Variants in LYZL1 observed in about 807,000 individuals in gnomAD.
LYZL1 encodes lysozyme like 1.
In LYZL1, 16 loss-of-function variants were observed where a neutral mutation model predicts 17.9. The ratio of observed to expected loss-of-function variants is 0.90; its 90% CI spans 0.61 to 1.36. LYZL1 has a LOEUF of 1.36. Ranked by LOEUF, LYZL1 falls within the 40% of genes most tolerant of loss-of-function variation. The probability of loss-of-function intolerance (pLI) is 0.00; values close to 1 mark genes in which losing one functional copy is unlikely to be tolerated. For synonymous variants in LYZL1, 58 were observed against 71.8 expected (o/e 0.81, Z 0.97); for missense variants, 149 against 188.4 (o/e 0.79, Z 1.22).
intron 3 of LYZL1, among the ~76,000 whole-genome samples, chr10:29,302,512 G>A (rs1835534120): frequency 1.3e-5 from 2 of 152,298 alleles, no homozygotes; most frequent in African/African-American, 2.4e-5. Context: ...GGTCCTCTTC[G>A]TGCATTTGCG....
intron 3 of LYZL1, among the ~76,000 whole-genome samples, chr10:29,293,799 C>T (rs940803072): frequency 1.3e-5 from 2 of 151,700 alleles, no homozygotes; most frequent in African/African-American, 4.8e-5. Context: ...ACGGTGAAAC[C>T]CCATCTCTAC....
chr10:29,314,834 A>G (rs1311862625), downstream of LYZL1, among the ~76,000 whole-genome samples: 1 of 152,196 alleles, frequency 6.6e-6, no homozygotes, highest in Non-Finnish European at 1.5e-5. Flanking sequence ...AGGGGTAACT[A>G]TCGCCCAGGG....
At chr10:29,301,168 C>T (rs1835513934) in intron 3 of LYZL1, among the ~76,000 whole-genome samples, 1 of 152,146 alleles carries the variant, frequency 6.6e-6, no homozygotes, top group African/African-American at 2.4e-5. Context: ...ATGAGTCTCA[C>T]AAGATCTGAT....
chr10:29,297,515 T>A (rs1346592175), intron 3 of LYZL1, among the ~76,000 whole-genome samples: 1 of 152,210 alleles, frequency 6.6e-6, no homozygotes, highest in African/African-American at 2.4e-5. Flanking sequence ...ATTCATAACT[T>A]TTAAATTGCA....
In LYZL1 at chr10:29,293,127, C is replaced by CTTTTTTT. The variant is rs778807136; in HGVS notation, c.298+456_298+457insTTTTTTT. Among the ~76,000 whole-genome samples the CTTTTTTT allele has an allele frequency of 3.2e-3, 338 of 104,146 alleles. 13 individuals carry two copies. The highest frequency in any genetic ancestry group is 6.0e-3 in the Middle Eastern group (1 of 166). 68.3% of individuals were successfully genotyped at this position (104,146 alleles called of 152,430 possible). A position where few individuals can be genotyped will look rare whatever the true frequency, so the allele number is the denominator to read the frequency against. ...TCTTTCTTTTTTTTTCTTTTCTTTT[C>CTTTTTTT]TTTTTTCTTTTTTTTTTTTTTTTGA... On this transcript the variant is annotated intron_variant, in intron 3 of 4. Coordinates refer to ENST00000649382, the MANE Select transcript of LYZL1 (RefSeq NM_032517.6).
chr10:29,297,139 C>T (rs142830088), intron 3 of LYZL1, among the ~76,000 whole-genome samples: 338 of 146,038 alleles, frequency 2.3e-3, no homozygotes, highest in African/African-American at 8.2e-3. Flanking sequence ...AATAAAGAAC[C>T]TTTGGAAATT....
intron 1 of LYZL1, among the ~76,000 whole-genome samples, chr10:29,289,435 T>A (rs1588654482): frequency 7.3e-6 from 1 of 136,632 alleles, no homozygotes; most frequent in Non-Finnish European, 1.6e-5. Flanking sequence ...TTTTTTTTTT[T>A]AGACAGGGTC....
chr10:29,302,742 T>C (rs1165483220), intron 3 of LYZL1, among the ~76,000 whole-genome samples: 2 of 152,212 alleles, frequency 1.3e-5, no homozygotes, highest in African/African-American at 2.4e-5. Flanking sequence ...TCGTGTTGAC[T>C]GGCCAGTCAC....
In LYZL1 at chr10:29,291,787, G is replaced by C. The variant is rs1344975231; in HGVS notation, c.-25-56G>C. ...AGGGCTGTGCACAGTCACCACCGCT[G>C]GATTTCAAAGTTCCTGAACCAAGAT... On this transcript the variant is annotated intron_variant, in intron 1 of 4. Transcript: ENST00000649382. 39 of 1,522,400 alleles carry C rather than the reference G, an allele frequency of 2.6e-5. 4 individuals are homozygous for C. Among genetic ancestry groups the C allele is most frequent in the Non-Finnish European group, 1.8e-6 (2 of 1,116,064 alleles). 94.3% of individuals were successfully genotyped at this position (1,522,400 alleles called of 1,614,324 possible).
intron 3 of LYZL1, among the ~76,000 whole-genome samples, chr10:29,297,622 C>A (rs1835464334): frequency 6.6e-6 from 1 of 152,206 alleles, no homozygotes; most frequent in Admixed American, 6.5e-5. Flanking sequence ...ACATTGTATA[C>A]ACTATGGTCC....
rs1835661680 is a variant in LYZL1, at chr10:29,310,854, C to T, written c.378-136C>T. 3.8e-6 allele frequency: 5 copies of T among 1,316,264 alleles called. No homozygotes were observed. The South Asian group carries it at 6.5e-5, about 17-fold the overall frequency. 81.5% of individuals were successfully genotyped at this position (1,316,264 alleles called of 1,614,324 possible). A position where few individuals can be genotyped will look rare whatever the true frequency, so the allele number is the denominator to read the frequency against. On this transcript the variant is annotated intron_variant, in intron 4 of 4. Coordinates refer to ENST00000649382, the MANE Select transcript of LYZL1 (RefSeq NM_032517.6). Reference sequence around the variant, plus strand: ...CTGAACTAGGCAAAAGGACAGCATCCTTGAAGCTCAGAAGCAAATGAAACC... The same window carrying T: ...CTGAACTAGGCAAAAGGACAGCATCTTTGAAGCTCAGAAGCAAATGAAACC...
At chr10:29,294,248 C>G (rs1352695836) in intron 3 of LYZL1, among the ~76,000 whole-genome samples, 1 of 152,022 alleles carries the variant, frequency 6.6e-6, no homozygotes, top group Non-Finnish European at 1.5e-5. Context: ...TGTGAAAAAC[C>G]CAGGCTAAGA....
chr10:29,293,608 T>C (rs898382397), intron 3 of LYZL1, among the ~76,000 whole-genome samples: 1 of 152,208 alleles, frequency 6.6e-6, no homozygotes, highest in African/African-American at 2.4e-5. Flanking sequence ...AATATGTGCT[T>C]ACATGAAGTT....
chr10:29,291,779 C>T, intron 1 of LYZL1, 64 bp from the exon 2 acceptor site: 1 of 1,517,828 alleles, frequency 6.6e-7, no homozygotes, highest in Non-Finnish European at 9.0e-7. Flanking sequence ...TGCACAGTCA[C>T]CACCGCTGGA....
At chr10:29,296,741 T>A (rs918584605) in intron 3 of LYZL1, among the ~76,000 whole-genome samples, 2 of 152,034 alleles carry the variant, frequency 1.3e-5, no homozygotes, top group Non-Finnish European at 2.9e-5. Context: ...CTGGCCAAAT[T>A]GAAAGGAAAT....
Position 29,299,506 on chromosome 10 carries a change from A to G in LYZL1, c.298+6829A>G, listed in dbSNP as rs371865521. Among the ~76,000 whole-genome samples the G allele has an allele frequency of 3.4e-4, 52 of 152,322 alleles. No individual in the cohort carries two copies. In the East Asian group the frequency reaches 6.2e-3, roughly 18 times the overall value. The stretch of plus-strand genomic sequence containing the variant: ...AACTTATTAGACAGATCTTACTAGA[A>G]CTATCATATAGTGAGAGATAGATAT... On this transcript the variant is annotated intron_variant, in intron 3 of 4. Coordinates refer to ENST00000649382, the MANE Select transcript of LYZL1 (RefSeq NM_032517.6).
downstream of LYZL1, among the ~76,000 whole-genome samples, chr10:29,314,797 T>C (rs550792638): frequency 2.6e-5 from 4 of 152,220 alleles, no homozygotes; most frequent in African/African-American, 9.6e-5. Flanking sequence ...AAAACTTCAC[T>C]CCATATACAC....
downstream of LYZL1, among the ~76,000 whole-genome samples, chr10:29,313,053 T>C (rs1241755796): frequency 6.6e-6 from 1 of 152,156 alleles, no homozygotes; most frequent in Admixed American, 6.5e-5. Flanking sequence ...GCTCCTTTCC[T>C]GCCCACCGGC....
intron 3 of LYZL1, among the ~76,000 whole-genome samples, chr10:29,292,952 G>A (rs1835394347): frequency 6.6e-6 from 1 of 152,154 alleles, no homozygotes; most frequent in African/African-American, 2.4e-5. Context: ...TTTCATGTTA[G>A]AGATATTTGA....
Sources: gnomAD v4.1 joint callset for allele counts (sites outside exome capture counted in the v4.1 genomes callset) on GRCh38, gnomAD v4.1.1 for gene constraint, MANE v1.5 for transcripts, NCBI Gene and HGNC (gene_info 2026-07-23, HGNC 2026-07-21) for gene names.